LONRF1: variants seen among roughly 807,000 people sequenced by gnomAD.
LONRF1 encodes LON peptidase N-terminal domain and RING finger protein 1.
Under a neutral mutation model 85.8 loss-of-function variants are expected in LONRF1, and 37 were observed. The ratio of observed to expected loss-of-function variants is 0.43; its 90% CI spans 0.33 to 0.57. The LOEUF (loss-of-function observed/expected upper bound fraction) is 0.57. Ranked by LOEUF, LONRF1 falls within the 20% of genes least tolerant of loss-of-function variation. LONRF1 has a pLI of 0.04. For missense variants in LONRF1, 1,036 were observed against 978.0 expected (o/e 1.06, Z -0.79); for synonymous variants, 517 against 390.1 (o/e 1.33, Z -3.83).
At position 12,754,803 on chromosome 8, in the gene LONRF1, C is replaced by A. The variant is rs1000846728; in HGVS notation, c.618G>T (p.Pro206=). 1.3e-6 allele frequency: 2 copies of A among 1,490,186 alleles called. No homozygotes were observed. The highest frequency in any genetic ancestry group is 2.9e-5 in the African/African-American group (2 of 68,656). The allele number at this position is 1,490,186 out of a possible 1,614,324, so 92.3% of individuals were successfully genotyped here. Residue 206 remains proline (P), a synonymous_variant, in exon 1 of 12, where the codon CCG becomes CCT. Coordinates refer to ENST00000398246, the MANE Select transcript of LONRF1 (RefSeq NM_152271.5). ...CCGCCCGGGCCCGCTCGCGCTGGCC[C>A]GGAAACCACTTCTCGGCCAGGTGGT... ...VLNHLAEKWF[P]GQRERARAAG... is the part of the protein sequence containing the mutation.
intron 1 of LONRF1, 97 bp downstream of exon 1, chr8:12,754,603 G>A (rs972516320): frequency 3.7e-5 from 45 of 1,215,556 alleles, no homozygotes; most frequent in Non-Finnish European, 4.0e-5. Flanking sequence ...CGGGGAAGCA[G>A]AGGAGACTCT....
At chr8:12,745,116 C>G (rs1216179442) in intron 1 of LONRF1, among the ~76,000 whole-genome samples, 1 of 152,066 alleles carries the variant, frequency 6.6e-6, no homozygotes, top group Non-Finnish European at 1.5e-5. Context: ...ATTCCTTCCC[C>G]TCTCCACACA....
chr8:12,748,161 G>C (rs1799238786), intron 1 of LONRF1, among the ~76,000 whole-genome samples: 1 of 151,996 alleles, frequency 6.6e-6, no homozygotes, highest in South Asian at 2.1e-4. Context: ...TGCCTTTTTA[G>C]TTATTTGCTA....
intron 1 of LONRF1, among the ~76,000 whole-genome samples, chr8:12,752,152 T>G (rs1799433197): frequency 6.6e-6 from 1 of 152,198 alleles, no homozygotes; most frequent in African/African-American, 2.4e-5. Flanking sequence ...ACGAAGAAAT[T>G]ATAGTGAAGA....
chr8:12,749,777 G>T (rs1039172531), intron 1 of LONRF1, among the ~76,000 whole-genome samples: 1 of 152,024 alleles, frequency 6.6e-6, no homozygotes, highest in African/African-American at 2.4e-5. Context: ...ATGAATCAAA[G>T]AAAATAATTA....
At position 12,722,470 on chromosome 8, in the gene LONRF1, T is replaced by G. The variant is rs1403078147; in HGVS notation, c.*626A>C. On this transcript the variant is annotated 3_prime_UTR_variant, in exon 12 of 12. Coordinates refer to ENST00000398246, the MANE Select transcript of LONRF1 (RefSeq NM_152271.5). ...TGCATCCAATGCCTGTCGGCCACTG[T>G]GATGCAAGTATTTACATAAATAAGA... The G allele has an allele frequency of 1.3e-5, 2 of 152,676 alleles. No homozygotes were observed. The highest frequency in any genetic ancestry group is 4.8e-5 in the African/African-American group (2 of 41,464). The allele number at this position is 152,676 out of a possible 1,614,324, so 9.5% of individuals were successfully genotyped here. A position where few individuals can be genotyped will look rare whatever the true frequency, so the allele number is the denominator to read the frequency against.
At chr8:12,728,325 A>T (rs1340047243) in intron 10 of LONRF1, among the ~76,000 whole-genome samples, 1 of 152,156 alleles carries the variant, frequency 6.6e-6, no homozygotes, top group Non-Finnish European at 1.5e-5. Context: ...GATATCACCA[A>T]CATGTACACT....
At chr8:12,725,955 G>C (rs1798281514) in intron 10 of LONRF1, 76 bp from the exon 11 acceptor site, 2 of 1,383,992 alleles carry the variant, frequency 1.4e-6, no homozygotes, top group Non-Finnish European at 2.0e-6. Context: ...GACACAAATG[G>C]AAAAAGGGAT....
At chr8:12,735,652 G>T (rs1798690460) in intron 6 of LONRF1, 3 of 378,460 alleles carry the variant, frequency 7.9e-6, no homozygotes, top group Non-Finnish European at 9.6e-6. Flanking sequence ...TAACGCAACA[G>T]CCCCTGGACA....
At position 12,754,678 on chromosome 8, in the gene LONRF1, C is replaced by T. The variant is rs572589643; in HGVS notation, c.721+22G>A. 5.9e-4 allele frequency: 780 copies of T among 1,327,098 alleles called. 4 individuals are homozygous for T. The African/African-American group carries it at 9.1e-3, about 15-fold the overall frequency. 82.2% of individuals were successfully genotyped at this position (1,327,098 alleles called of 1,614,324 possible). A position where few individuals can be genotyped will look rare whatever the true frequency, so the allele number is the denominator to read the frequency against. The stretch of plus-strand genomic sequence containing the variant: ...CAGGAGGGTGCGGTCGGCCCGGCCC[C>T]GCCGCATCCCCGCGCGGTCACCTGC... On this transcript the variant is annotated intron_variant, in intron 1 of 11. Transcript: ENST00000398246.
intron 1 of LONRF1, among the ~76,000 whole-genome samples, chr8:12,745,593 A>G (rs144041027): frequency 6.6e-6 from 1 of 152,348 alleles, no homozygotes; most frequent in African/African-American, 2.4e-5. Context: ...GACCTTGAGG[A>G]CACTACAGAC....
chr8:12,736,440 C>A (rs1398964849), intron 6 of LONRF1, among the ~76,000 whole-genome samples: 1 of 152,140 alleles, frequency 6.6e-6, no homozygotes, highest in Non-Finnish European at 1.5e-5. Context: ...TCCTTTTATA[C>A]TGAAGCCATG....
intron 2 of LONRF1, among the ~76,000 whole-genome samples, chr8:12,742,205 A>T (rs1798962671): frequency 1.3e-5 from 2 of 152,222 alleles, no homozygotes; most frequent in Non-Finnish European, 2.9e-5. Context: ...TCATGCCATC[A>T]TGAGATTTCG....
Position 12,737,128 on chromosome 8 carries a change from G to C in LONRF1, c.1126C>G (p.Pro376Ala), listed in dbSNP as rs193049823. The C allele has an allele frequency of 6.2e-7, 1 of 1,611,320 alleles. No individual in the cohort carries two copies. The highest frequency in any genetic ancestry group is 8.5e-7 in the Non-Finnish European group (1 of 1,178,902). ...EPSPKQSEEI[P>A]EVTSEPVKGS... Reference sequence around the variant, plus strand: ...TTGACAGGCTCTGAAGTGACCTCTGGTATTTCTTCACTCTACAAAAATACA... The same window carrying C: ...TTGACAGGCTCTGAAGTGACCTCTGCTATTTCTTCACTCTACAAAAATACA... Residue 376 changes from proline to alanine, a missense_variant, in exon 5 of 12, where the codon CCA (proline) becomes GCA (alanine). Coordinates refer to ENST00000398246, the MANE Select transcript of LONRF1 (RefSeq NM_152271.5).
intron 1 of LONRF1, among the ~76,000 whole-genome samples, chr8:12,750,287 CA>C: frequency 6.6e-6 from 1 of 152,296 alleles, no homozygotes; most frequent in Admixed American, 6.5e-5. Context: ...GTCCTCTGCA[CA>C]ATAAGTAAGG....
At chr8:12,736,502 T>C (rs557626061) in intron 6 of LONRF1, among the ~76,000 whole-genome samples, 199 bp downstream of exon 6, 48 of 152,320 alleles carry the variant, frequency 3.2e-4, no homozygotes, top group African/African-American at 1.1e-3. Flanking sequence ...TCCCACTTTC[T>C]AAATTAGGAA....
intron 3 of LONRF1, chr8:12,738,696 A>C (rs904475722): frequency 6.6e-6 from 1 of 152,170 alleles, no homozygotes; most frequent in Non-Finnish European, 1.5e-5. Context: ...GCTTCCCTAT[A>C]ATAGCGAGGA....
chr8:12,736,869 A>G, intron 5 of LONRF1, 31 bp downstream of exon 5: 1 of 1,572,970 alleles, frequency 6.4e-7, no homozygotes, highest in Non-Finnish European at 8.6e-7. Flanking sequence ...AAATAAATTT[A>G]TTTTATATAA....
Position 12,725,848 on chromosome 8 carries a change from C to A in LONRF1, c.2042G>T (p.Arg681Ile). 1 of 1,612,668 alleles carries A rather than the reference C, an allele frequency of 6.2e-7. No homozygotes were observed. The highest frequency in any genetic ancestry group is 8.5e-7 in the Non-Finnish European group (1 of 1,179,250). ...VENEDEIKNLRELHDLVYSQA... is the reference protein window; with the variant it reads ...VENEDEIKNLIELHDLVYSQA... ...AGAGTAAACCAAATCATGAAGCTCT[C>A]TGAGATTCTTAATCTCATCTTCATT... Residue 681 changes from arginine to isoleucine, a missense_variant, in exon 11 of 12, where the codon AGA becomes ATA. Around this residue, in one of 3 missense-constraint regions of LONRF1, gnomAD observed 265 missense variants for 301.5 expected, o/e 0.88. Transcript: ENST00000398246.
Sources: allele counts gnomAD v4.1 joint callset (sites outside exome capture counted in the v4.1 genomes callset), GRCh38; gene constraint gnomAD v4.1.1; regional missense constraint gnomAD v4.1.1; transcripts MANE v1.5; gene names NCBI Gene and HGNC (gene_info 2026-07-23, HGNC 2026-07-21).